Variants in MICAL2 observed in about 807,000 individuals in gnomAD.
MICAL2 encodes microtubule associated monooxygenase, calponin and LIM domain containing 2, also known as [F-actin]-monooxygenase MICAL2.
MICAL2 carries 77 observed loss-of-function variants against 127.3 expected under a neutral mutation model. The observed-to-expected ratio is 0.60, with a 90% CI of 0.50 to 0.73. The LOEUF (loss-of-function observed/expected upper bound fraction) is 0.73. MICAL2 is among the 30% of genes least tolerant of loss of function. The probability of loss-of-function intolerance (pLI) is 0.00; values close to 1 mark genes in which losing one functional copy is unlikely to be tolerated. For synonymous variants in MICAL2, 570 were observed against 551.1 expected (o/e 1.03, Z -0.48); for missense variants, 1,351 against 1,434.4 (o/e 0.94, Z 0.94).
chr11:12,261,934 A>G, intron 26 of MICAL2: 3 of 987,706 alleles, frequency 3.0e-6, no homozygotes, highest in Non-Finnish European at 3.6e-6. Flanking sequence ...GTGAACGGCC[A>G]TGTTATTGTG....
chr11:12,288,270 G>A (rs1172826925), downstream of MICAL2, among the ~76,000 whole-genome samples: 1 of 152,206 alleles, frequency 6.6e-6, no homozygotes, highest in Non-Finnish European at 1.5e-5. Context: ...TTACTGCCCT[G>A]CTCTGGCCCT....
rs556286932 is a variant in MICAL2, at chr11:12,151,336, G to A, written c.-77-10743G>A. On this transcript the variant is annotated intron_variant, in intron 2 of 27. Coordinates refer to ENST00000683283, the MANE Select transcript of MICAL2 (RefSeq NM_001282663.2). ...AGGTAAAATGTAAAATGACGGACCC[G>A]GTTGTTATTGGAAGTTGGCCTGCAA... 5.3e-5 allele frequency among the ~76,000 whole-genome samples: 8 copies of A among 152,176 alleles called. No individual in the cohort carries two copies. In the East Asian group the frequency reaches 1.5e-3, roughly 29 times the overall value.
At chr11:12,213,886 C>A (rs1855824892) in intron 7 of MICAL2, among the ~76,000 whole-genome samples, 1 of 152,116 alleles carries the variant, frequency 6.6e-6, no homozygotes, top group Non-Finnish European at 1.5e-5. Context: ...ACTGCCCTTC[C>A]CCAAGAAGGA....
intron 29 of MICAL2, among the ~76,000 whole-genome samples, chr11:12,308,951 C>T (rs1041718358): frequency 8.5e-5 from 13 of 152,152 alleles, no homozygotes; most frequent in South Asian, 2.1e-4. Context: ...TAAATGTAAG[C>T]AAATGCTTTT....
intron 1 of MICAL2, chr11:12,116,957 T>G (rs1162817870): frequency 6.6e-6 from 1 of 152,118 alleles, no homozygotes; most frequent in African/African-American, 2.4e-5. Context: ...GGGTTGAAAT[T>G]TTTAGTTTGT....
chr11:12,183,267 C>G (rs1857718802), intron 3 of MICAL2, among the ~76,000 whole-genome samples: 1 of 151,798 alleles, frequency 6.6e-6, no homozygotes, highest in Non-Finnish European at 1.5e-5. Context: ...TGTCATTTAA[C>G]TGACCTGGGC....
chr11:12,163,527 C>G (rs541161735), intron 3 of MICAL2, among the ~76,000 whole-genome samples: 1 of 152,320 alleles, frequency 6.6e-6, no homozygotes. Flanking sequence ...AGACAGCTGC[C>G]AAGCTCCTGT....
chr11:12,319,732 AG>A lies in MICAL2; in HGVS notation c.5251del (p.Ala1751LeufsTer25), dbSNP rs1327700830. The A allele has an allele frequency of 6.2e-7, 1 of 1,614,142 alleles. No homozygotes were observed. Among genetic ancestry groups the A allele is most frequent in the South Asian group, 1.1e-5 (1 of 91,086 alleles). On this transcript the variant is annotated frameshift_variant, in exon 30 of 35. Coordinates refer to the MICAL2 transcript ENST00000646065. LOFTEE classifies it high-confidence loss of function. ...TTTCCCCTCAGAGCACAGGTAACAG[AG>A]GCTTCCTCTTCTGCCTCTTCAACCT... is the stretch of plus-strand genomic sequence containing the variant.
intron 3 of MICAL2, among the ~76,000 whole-genome samples, chr11:12,185,200 G>A (rs371194685): frequency 1.6e-5 from 2 of 127,734 alleles, no homozygotes; most frequent in East Asian, 5.3e-4. Flanking sequence ...TGGGTGGGGG[G>A]ATGGGTGGGT....
At chr11:12,210,350 C>T (rs1293664282) in intron 6 of MICAL2, among the ~76,000 whole-genome samples, 1 of 152,172 alleles carries the variant, frequency 6.6e-6, no homozygotes, top group Non-Finnish European at 1.5e-5. Flanking sequence ...AACAACATGG[C>T]CCCAAATAGG....
chr11:12,194,198 T>C (rs913477998), intron 3 of MICAL2, among the ~76,000 whole-genome samples: 3 of 152,222 alleles, frequency 2.0e-5, no homozygotes, highest in Non-Finnish European at 4.4e-5. Context: ...GATGCCATTG[T>C]CCTCTCCCTC....
intron 33 of MICAL2, among the ~76,000 whole-genome samples, chr11:12,353,896 G>A (rs11022320): frequency 0.77 from 116,375 of 152,092 alleles, 44,530 homozygotes; most frequent in African/African-American, 0.8. Context: ...ATGTACCACA[G>A]TCAGAGACTT....
chr11:12,154,811 A>C (rs1419570382), intron 2 of MICAL2, among the ~76,000 whole-genome samples: 1 of 152,170 alleles, frequency 6.6e-6, no homozygotes, highest in Non-Finnish European at 1.5e-5. Flanking sequence ...CTTGAGAGAC[A>C]ATAGAAGTTA....
At chr11:12,322,265 C>T (rs2134843729) in intron 30 of MICAL2, among the ~76,000 whole-genome samples, 1 of 152,236 alleles carries the variant, frequency 6.6e-6, no homozygotes, top group Middle Eastern at 3.4e-3. Flanking sequence ...CTAAGTTAGA[C>T]AATCTCTGGA....
chr11:12,149,836 G>A (rs940033673), intron 2 of MICAL2, among the ~76,000 whole-genome samples: 1 of 152,144 alleles, frequency 6.6e-6, no homozygotes, highest in Non-Finnish European at 1.5e-5. Flanking sequence ...GTACAGCCTG[G>A]GGAGTCATGA....
intron 3 of MICAL2, among the ~76,000 whole-genome samples, chr11:12,178,574 T>C (rs1857091479): frequency 6.6e-6 from 1 of 152,070 alleles, no homozygotes; most frequent in African/African-American, 2.4e-5. Context: ...TAAGTTGGCA[T>C]AAAGAAATGT....
At chr11:12,217,926 C>A (rs1856387636) in intron 8 of MICAL2, among the ~76,000 whole-genome samples, 2 of 152,150 alleles carry the variant, frequency 1.3e-5, no homozygotes. Context: ...AGGTGTCCAG[C>A]CAAGTTCCCA....
At chr11:12,265,153 C>A (rs1250539876), downstream of MICAL2, among the ~76,000 whole-genome samples, 1 of 152,200 alleles carries the variant, frequency 6.6e-6, no homozygotes, top group Admixed American at 6.5e-5. Flanking sequence ...TGCCAGTCCT[C>A]CCCCGTCCTG....
At chr11:12,297,030 T>G (rs1270474528), downstream of MICAL2, among the ~76,000 whole-genome samples, 1 of 152,144 alleles carries the variant, frequency 6.6e-6, no homozygotes, top group Non-Finnish European at 1.5e-5. Flanking sequence ...GCTTAGGCCA[T>G]TAAGCATGTG....
Sources: allele counts gnomAD v4.1 joint callset (sites outside exome capture counted in the v4.1 genomes callset), GRCh38; gene constraint gnomAD v4.1.1; transcripts MANE v1.5; gene names NCBI Gene and HGNC (gene_info 2026-07-23, HGNC 2026-07-21).